The following CNTNAP5 variants were observed in gnomAD, a reference collection of about 807,000 sequenced individuals.
CNTNAP5 encodes contactin associated protein family member 5.
A neutral mutation model predicts 150.2 loss-of-function variants in CNTNAP5; 72 were observed. The observed-to-expected ratio is 0.48, with a 90% CI of 0.40 to 0.58. The LOEUF is 0.58. Among genes scored for constraint, CNTNAP5 ranks in the 20% least tolerant of loss-of-function variants. The pLI is 0.00. For missense variants in CNTNAP5, 1,636 were observed against 1,626.2 expected, an observed-to-expected ratio of 1.01 and a Z score of -0.10; for synonymous variants, 672 against 619.8, an observed-to-expected ratio of 1.08 and a Z score of -1.25.
At chr2:124,818,335 C>A (rs993970359) in intron 19 of CNTNAP5, among the ~76,000 whole-genome samples, 1 of 152,056 alleles carries the variant, frequency 6.6e-6, no homozygotes, top group African/African-American at 2.4e-5. Context: ...GCCTGGGAAA[C>A]AAAGAGAGAC....
At chr2:124,811,326 A>C (rs1343873973) in intron 19 of CNTNAP5, among the ~76,000 whole-genome samples, 1 of 152,184 alleles carries the variant, frequency 6.6e-6, no homozygotes, top group East Asian at 1.9e-4. Context: ...GGAAGGCGAG[A>C]GGGTGGGGCA....
At chr2:124,525,935 A>T (rs1413655085) in intron 9 of CNTNAP5, among the ~76,000 whole-genome samples, 2 of 152,220 alleles carry the variant, frequency 1.3e-5, no homozygotes, top group Non-Finnish European at 2.9e-5. Context: ...GAAAACAGAG[A>T]TTGGAACAAA....
chr2:124,667,859 G>A (rs1014439116), intron 13 of CNTNAP5, among the ~76,000 whole-genome samples: 24 of 152,220 alleles, frequency 1.6e-4, no homozygotes, highest in East Asian at 5.8e-4. Context: ...CATTTCTCCC[G>A]TAAGGGAAGC....
At chr2:124,301,090 A>T (rs73952938) in intron 3 of CNTNAP5, among the ~76,000 whole-genome samples, 1,738 of 152,324 alleles carry the variant, frequency 0.011, 30 homozygotes, top group African/African-American at 0.04. Context: ...TTTGTGATTT[A>T]GCAGTTTTGG....
chr2:124,324,419 G>T (rs912383300), intron 3 of CNTNAP5, among the ~76,000 whole-genome samples: 2 of 152,180 alleles, frequency 1.3e-5, no homozygotes, highest in Admixed American at 1.3e-4. Context: ...AGGTCTGAGA[G>T]ACATCAAAGA....
intron 1 of CNTNAP5, among the ~76,000 whole-genome samples, chr2:124,173,045 T>C (rs188996357): frequency 6.6e-6 from 1 of 152,322 alleles, no homozygotes; most frequent in Non-Finnish European, 1.5e-5. Context: ...TTATAACTGT[T>C]ATGGTGACCT....
intron 3 of CNTNAP5, among the ~76,000 whole-genome samples, chr2:124,281,787 A>C (rs1688018849): frequency 2.0e-5 from 3 of 152,168 alleles, no homozygotes; most frequent in Admixed American, 2.0e-4. Flanking sequence ...GCCGGATGGG[A>C]CCTTTTAAGC....
chr2:124,699,975 A>G (rs572691546), intron 13 of CNTNAP5, among the ~76,000 whole-genome samples: 1 of 152,322 alleles, frequency 6.6e-6, no homozygotes, highest in Non-Finnish European at 1.5e-5. Context: ...TCAACCCAAA[A>G]TGAAACCCTG....
At chr2:124,744,398 G>A (rs1157323852) in intron 13 of CNTNAP5, among the ~76,000 whole-genome samples, 1 of 151,984 alleles carries the variant, frequency 6.6e-6, no homozygotes, top group Non-Finnish European at 1.5e-5. Flanking sequence ...CCCAGTCTTA[G>A]GTGTGTTTTT....
At chr2:124,446,322 C>G (rs1692814654) in intron 5 of CNTNAP5, among the ~76,000 whole-genome samples, 1 of 152,156 alleles carries the variant, frequency 6.6e-6, no homozygotes, top group African/African-American at 2.4e-5. Context: ...CTTTTGCCCA[C>G]AAACTTACTA....
At chr2:124,860,289 G>A (rs1432158404) in intron 19 of CNTNAP5, among the ~76,000 whole-genome samples, 1 of 151,996 alleles carries the variant, frequency 6.6e-6, no homozygotes, top group Non-Finnish European at 1.5e-5. Flanking sequence ...GGCGGAGCTT[G>A]CAGTGAGCCG....
chr2:124,092,739 T>C (rs1019111794), intron 1 of CNTNAP5, among the ~76,000 whole-genome samples: 2 of 152,228 alleles, frequency 1.3e-5, no homozygotes, highest in African/African-American at 4.8e-5. Flanking sequence ...CCAAAGTTGG[T>C]CTCCTCACCT....
chr2:124,538,950 G>A (rs577365300), intron 10 of CNTNAP5, among the ~76,000 whole-genome samples: 96 of 152,238 alleles, frequency 6.3e-4, no homozygotes, highest in African/African-American at 2.2e-3. Context: ...ACTGCCTTCT[G>A]CACAGCCAAT....
chr2:124,827,368 G>A (rs1286347668), intron 19 of CNTNAP5, among the ~76,000 whole-genome samples: 1 of 152,130 alleles, frequency 6.6e-6, no homozygotes, highest in Admixed American at 6.5e-5. Context: ...GTGGGTCTGG[G>A]TCAGTTAAAG....
At chr2:124,872,418 G>A (rs113696517) in intron 21 of CNTNAP5, among the ~76,000 whole-genome samples, 2,368 of 146,190 alleles carry the variant, frequency 0.016, 60 homozygotes, top group African/African-American at 0.057. Context: ...GTGTGTGTGC[G>A]TGCATGTGCG....
At chr2:124,284,918 G>T (rs1316340684) in intron 3 of CNTNAP5, among the ~76,000 whole-genome samples, 1 of 152,096 alleles carries the variant, frequency 6.6e-6, no homozygotes, top group Non-Finnish European at 1.5e-5. Context: ...GAACCAGGGA[G>T]TTCACCCAGG....
intron 16 of CNTNAP5, 55 bp from the exon 17 acceptor site, chr2:124,772,744 C>T: frequency 7.3e-7 from 1 of 1,362,270 alleles, no homozygotes; most frequent in Admixed American, 1.7e-5. Flanking sequence ...CAAGCCTGTG[C>T]CTTGAATGAG....
chr2:124,168,789 CTATT>C (rs1357363552), intron 1 of CNTNAP5, among the ~76,000 whole-genome samples: 3 of 152,228 alleles, frequency 2.0e-5, no homozygotes, highest in Admixed American at 2.0e-4. Flanking sequence ...TACATCATTA[CTATT>C]TATTGAAATT....
intron 1 of CNTNAP5, among the ~76,000 whole-genome samples, chr2:124,113,713 T>A (rs1180492466): frequency 6.6e-6 from 1 of 151,982 alleles, no homozygotes; most frequent in Non-Finnish European, 1.5e-5. Flanking sequence ...GCCTCTTGCA[T>A]CTTGTTTTAA....
Sources: gnomAD v4.1 joint callset for allele counts (sites outside exome capture counted in the v4.1 genomes callset) on GRCh38, gnomAD v4.1.1 for gene constraint, MANE v1.5 for transcripts, NCBI Gene and HGNC (gene_info 2026-07-23, HGNC 2026-07-21) for gene names.